Variants in CAT observed in about 807,000 individuals in gnomAD.
CAT encodes catalase.
Under a neutral mutation model 59.0 loss-of-function variants are expected in CAT, and 43 were observed. That is an observed-to-expected ratio of 0.73 (90% CI 0.57 to 0.94). The LOEUF (loss-of-function observed/expected upper bound fraction) is 0.94. Among genes scored for constraint, CAT ranks in the 40% least tolerant of loss-of-function variants. The probability of loss-of-function intolerance (pLI) is 0.00; values close to 1 mark genes in which losing one functional copy is unlikely to be tolerated. For synonymous variants in CAT, 218 were observed against 230.9 expected (o/e 0.94, Z 0.51); for missense variants, 664 against 682.9 (o/e 0.97, Z 0.31).
At chr11:34,446,188 C>A (rs1236341439) in intron 1 of CAT, among the ~76,000 whole-genome samples, 1 of 152,124 alleles carries the variant, frequency 6.6e-6, no homozygotes, top group Non-Finnish European at 1.5e-5. Flanking sequence ...GTTTTTGCTC[C>A]CTGGCTTCCC....
At chr11:34,448,066 CT>C (rs1189751505) in intron 1 of CAT, among the ~76,000 whole-genome samples, 2 of 152,132 alleles carry the variant, frequency 1.3e-5, no homozygotes, top group African/African-American at 4.8e-5. Context: ...TATTCAATAT[CT>C]TTTTTCAAAC....
chr11:34,470,030 G>A (rs1856757814), intron 11 of CAT, among the ~76,000 whole-genome samples: 2 of 152,080 alleles, frequency 1.3e-5, no homozygotes, highest in African/African-American at 4.8e-5. Context: ...GTAACTGTGT[G>A]TCCTATAACT....
At chr11:34,442,325 G>A (rs17881482) in intron 1 of CAT, among the ~76,000 whole-genome samples, 34,341 of 152,114 alleles carry the variant, frequency 0.23, 4,173 homozygotes, top group South Asian at 0.34. Context: ...ATTTATGGCC[G>A]GGTGCAGTGA....
At position 34,468,411 on chromosome 11, in the gene CAT, C is replaced by A. The variant is rs1226432082; in HGVS notation, c.1434+16C>A. ...GAAGAAAGCGGTGAGTCTTTGTAAG[C>A]TGAAGGGTGTCCTCTGCTGGCTAAG... is the stretch of plus-strand genomic sequence containing the variant. On this transcript the variant is annotated intron_variant, in intron 11 of 12. Coordinates refer to ENST00000241052, the MANE Select transcript of CAT (RefSeq NM_001752.4). 4.5e-6 allele frequency: 7 copies of A among 1,558,106 alleles called. No homozygotes were observed. Among genetic ancestry groups the A allele is most frequent in the Middle Eastern group, 1.7e-4 (1 of 5,980 alleles).
At chr11:34,467,257 A>G (rs1414286400) in intron 10 of CAT, among the ~76,000 whole-genome samples, 1 of 152,252 alleles carries the variant, frequency 6.6e-6, no homozygotes, top group African/African-American at 2.4e-5. Context: ...AAGTCAACAG[A>G]TATAGTGACC....
At chr11:34,457,047 T>C in intron 8 of CAT, 1 of 525,340 alleles carries the variant, frequency 1.9e-6, no homozygotes, top group Non-Finnish European at 3.4e-6. Context: ...TCCCTACATA[T>C]GTGAAGACAA....
intron 1 of CAT, among the ~76,000 whole-genome samples, chr11:34,447,173 G>C (rs933955714): frequency 2.0e-5 from 3 of 152,110 alleles, no homozygotes; most frequent in Admixed American, 2.0e-4. Context: ...TCACCCAATA[G>C]TTCTAGGTTA....
intron 8 of CAT, among the ~76,000 whole-genome samples, chr11:34,459,935 A>G (rs917743938): frequency 2.0e-5 from 3 of 152,344 alleles, no homozygotes; most frequent in East Asian, 1.9e-4. Context: ...ACCTTAGGCT[A>G]TTTGAAATGA....
chr11:34,465,287 G>A (rs753289247), intron 10 of CAT, among the ~76,000 whole-genome samples: 11 of 152,126 alleles, frequency 7.2e-5, no homozygotes, highest in Non-Finnish European at 1.3e-4. Flanking sequence ...GAATTAATTC[G>A]CTGTGAGGAT....
chr11:34,468,524 T>A (rs1367264380), intron 11 of CAT, 129 bp downstream of exon 11: 14 of 685,182 alleles, frequency 2.0e-5, no homozygotes, highest in East Asian at 1.1e-4. Context: ...AAAAAAAAAA[T>A]AAACTAGTAA....
chr11:34,448,356 G>A (rs868641570), intron 1 of CAT, among the ~76,000 whole-genome samples: 1 of 152,164 alleles, frequency 6.6e-6, no homozygotes, highest in East Asian at 1.9e-4. Flanking sequence ...CCAGTGACCC[G>A]GGGAAGACAC....
rs1856772716 is a variant in CAT, at chr11:34,471,487, C to G, written c.*54C>G. The G allele has an allele frequency of 1.4e-6, 2 of 1,431,084 alleles. No homozygotes were observed. The highest frequency in any genetic ancestry group is 3.5e-4 in the Middle Eastern group (2 of 5,698). 88.6% of individuals were successfully genotyped at this position (1,431,084 alleles called of 1,614,324 possible). A position where few individuals can be genotyped will look rare whatever the true frequency, so the allele number is the denominator to read the frequency against. The stretch of plus-strand genomic sequence containing the variant: ...GCTTAGCGTTCATCCGTGTAACCCG[C>G]TCATCACTGGATGAAGATTCTCCTG... On this transcript the variant is annotated 3_prime_UTR_variant, in exon 13 of 13. Transcript: ENST00000241052.
At chr11:34,461,442 A>C in intron 9 of CAT, 53 bp downstream of exon 9, 1 of 1,607,244 alleles carries the variant, frequency 6.2e-7, no homozygotes, top group East Asian at 2.2e-5. Flanking sequence ...CACGTGGAGC[A>C]GATGGGCGGG....
chr11:34,470,895 C>G (rs187315136), intron 11 of CAT, 63 bp from the exon 12 acceptor site: 1 of 1,343,418 alleles, frequency 7.4e-7, no homozygotes, highest in Non-Finnish European at 1.1e-6. Flanking sequence ...AAACCACAGT[C>G]CCTGGGGAGT....
chr11:34,444,719 C>T (rs898663990), intron 1 of CAT, among the ~76,000 whole-genome samples: 6 of 152,310 alleles, frequency 3.9e-5, no homozygotes, highest in African/African-American at 1.4e-4. Context: ...GTGAAGGGAA[C>T]TACTAAGTGG....
chr11:34,453,841 A>G lies in CAT; in HGVS notation c.626A>G (p.His209Arg). 2 of 1,613,678 alleles carry G rather than the reference A, an allele frequency of 1.2e-6. No individual in the cohort carries two copies. The change falls in exon 6 of 13, where the codon CAT becomes CGT. Residue 209 changes from histidine (H) to arginine (R), a missense_variant. Physicochemically the swap from His to Arg is conservative, Grantham distance 29. Transcript: ENST00000241052. ...LFSDRGIPDG[H>R]RHMNGYGSHT... ...AGTGATCGGGGGATTCCAGATGGAC[A>G]TCGCCACATGAATGGATATGGATCA...
chr11:34,464,998 A>C (rs967538642), intron 10 of CAT, among the ~76,000 whole-genome samples: 1 of 152,188 alleles, frequency 6.6e-6, no homozygotes, highest in Non-Finnish European at 1.5e-5. Context: ...GCAAATGCTC[A>C]TCCTCTTTCC....
chr11:34,454,014 T>C, intron 6 of CAT, 88 bp downstream of exon 6: 2 of 1,422,042 alleles, frequency 1.4e-6, no homozygotes, highest in Non-Finnish European at 2.0e-6. Context: ...GATTAAGGCT[T>C]CTCCCACTTT....
At chr11:34,441,494 T>C (rs1856389290) in intron 1 of CAT, among the ~76,000 whole-genome samples, 1 of 152,222 alleles carries the variant, frequency 6.6e-6, no homozygotes, top group African/African-American at 2.4e-5. Flanking sequence ...TTTTTTTCTA[T>C]TGTAAGTAAA....
Sources: allele counts gnomAD v4.1 joint callset (sites outside exome capture counted in the v4.1 genomes callset), GRCh38; gene constraint gnomAD v4.1.1; transcripts MANE v1.5; gene names NCBI Gene and HGNC (gene_info 2026-07-23, HGNC 2026-07-21).